Variants in TAFA2 observed in about 807,000 individuals in gnomAD.
TAFA2 encodes the protein TAFA chemokine like family member 2.
Under a neutral mutation model 18.8 loss-of-function variants are expected in TAFA2, and 7 were observed. The ratio of observed to expected loss-of-function variants is 0.37; its 90% CI spans 0.21 to 0.70. TAFA2 has a LOEUF of 0.70. TAFA2 is among the 30% of genes least tolerant of loss of function. TAFA2 has a pLI of 0.53. For synonymous variants in TAFA2, 60 were observed against 54.2 expected (o/e 1.11, Z -0.47); for missense variants, 122 against 158.1 (o/e 0.77, Z 1.23).
chr12:62,108,212 C>G (rs1869551360), intron 1 of TAFA2, among the ~76,000 whole-genome samples: 1 of 152,100 alleles, frequency 6.6e-6, no homozygotes, highest in South Asian at 2.1e-4. Flanking sequence ...TGTTCAACTC[C>G]CACTTATGAG....
intron 2 of TAFA2, among the ~76,000 whole-genome samples, chr12:61,767,320 C>G (rs777594733): frequency 6.6e-6 from 1 of 151,946 alleles, no homozygotes; most frequent in Non-Finnish European, 1.5e-5. Context: ...TTTCCAACTC[C>G]AAAAATGTAT....
intron 1 of TAFA2, among the ~76,000 whole-genome samples, chr12:62,237,430 A>G (rs181301035): frequency 1.1e-3 from 174 of 152,320 alleles, no homozygotes; most frequent in Non-Finnish European, 9.4e-4. Context: ...TAGCAAATTT[A>G]TATATTGTTT....
rs544483386 is a variant in TAFA2, at chr12:61,742,752, A to G, written c.384+10870T>C. 7.7e-4 allele frequency among the ~76,000 whole-genome samples: 117 copies of G among 152,204 alleles called. 2 individuals are homozygous for G. Among genetic ancestry groups the G allele is most frequent in the African/African-American group, 2.8e-3 (115 of 41,564 alleles). On this transcript the variant is annotated intron_variant, in intron 4 of 4. Coordinates refer to ENST00000416284, the MANE Select transcript of TAFA2 (RefSeq NM_178539.5). ...CTCATTAGCAATTACTATTGCAACAATAAGTCAAGCAAGAAATATGTAAGA... is the reference window on the plus strand; with the variant it reads ...CTCATTAGCAATTACTATTGCAACAGTAAGTCAAGCAAGAAATATGTAAGA...
intron 1 of TAFA2, 141 bp from the exon 2 acceptor site, chr12:61,867,567 T>A: frequency 1.7e-6 from 1 of 592,324 alleles, no homozygotes; most frequent in Non-Finnish European, 3.0e-6. Context: ...TAAAATGCTG[T>A]TCACTGTATA....
At chr12:62,075,793 C>G (rs988341297) in intron 1 of TAFA2, among the ~76,000 whole-genome samples, 1 of 152,218 alleles carries the variant, frequency 6.6e-6, no homozygotes, top group African/African-American at 2.4e-5. Context: ...AGAATACTTA[C>G]TGACCACATG....
At chr12:61,796,024 T>C (rs2120947020) in intron 2 of TAFA2, among the ~76,000 whole-genome samples, 1 of 152,244 alleles carries the variant, frequency 6.6e-6, no homozygotes, top group Non-Finnish European at 1.5e-5. Flanking sequence ...AGAAGTCTCA[T>C]ACTCTCCTAG....
intron 2 of TAFA2, among the ~76,000 whole-genome samples, chr12:61,836,756 T>TATATATATATATATATATATATATAAAC (rs68158949): frequency 8.3e-6 from 1 of 119,848 alleles, no homozygotes. Context: ...TATATATATA[T>TATATATATATATATATATATATATAAAC]ACACACACAC....
chr12:62,182,000 G>A lies in TAFA2; in HGVS notation c.-2+9259C>T, dbSNP rs556313743. ...CTTTTCTCAAGTCCATCCCCCCCCC[G>A]CTACACATAGTAGCTACTCAAGTAG... On this transcript the variant is annotated intron_variant, in intron 1 of 4. Coordinates refer to ENST00000416284, the MANE Select transcript of TAFA2 (RefSeq NM_178539.5). 3.0e-4 allele frequency among the ~76,000 whole-genome samples: 29 copies of A among 97,126 alleles called. 1 individual carries two copies. Among genetic ancestry groups the A allele is most frequent in the African/African-American group, 9.4e-4 (23 of 24,480 alleles). The allele number at this position is 97,126 out of a possible 152,430, so 63.7% of individuals were successfully genotyped here. A position where few individuals can be genotyped will look rare whatever the true frequency, so the allele number is the denominator to read the frequency against.
intron 1 of TAFA2, among the ~76,000 whole-genome samples, chr12:62,016,881 A>G (rs1269672553): frequency 6.6e-6 from 1 of 152,200 alleles, no homozygotes; most frequent in Non-Finnish European, 1.5e-5. Context: ...TAGGAAGACT[A>G]ATTATTTCTG....
At chr12:61,887,763 C>T (rs1458113719) in intron 1 of TAFA2, among the ~76,000 whole-genome samples, 4 of 150,636 alleles carry the variant, frequency 2.7e-5, no homozygotes. Flanking sequence ...AGGACATGAA[C>T]TCATCATTTT....
At chr12:61,943,579 C>T (rs1288788956) in intron 1 of TAFA2, among the ~76,000 whole-genome samples, 1 of 149,936 alleles carries the variant, frequency 6.7e-6, no homozygotes, top group Non-Finnish European at 1.5e-5. Flanking sequence ...CAGAGACACA[C>T]ATAGGCTCAA....
chr12:61,880,315 G>A (rs571134780), intron 1 of TAFA2: 55 of 483,368 alleles, frequency 1.1e-4, no homozygotes, highest in South Asian at 5.1e-4. Flanking sequence ...GGGCTTCCCT[G>A]GAGGCCACCA....
intron 1 of TAFA2, among the ~76,000 whole-genome samples, chr12:61,905,082 TATA>T (rs1194924447): frequency 1.3e-5 from 2 of 152,208 alleles, no homozygotes; most frequent in African/African-American, 4.8e-5. Flanking sequence ...ATCTCTACTT[TATA>T]ATAATTAATT....
At position 61,930,012 on chromosome 12, in the gene TAFA2, G is replaced by C. The variant is rs565612479; in HGVS notation, c.-1-62586C>G. 4.4e-4 allele frequency among the ~76,000 whole-genome samples: 65 copies of C among 147,462 alleles called. No individual in the cohort carries two copies. In the East Asian group the frequency reaches 4.6e-3, roughly 10 times the overall value. ...ACACTCTGGGGACTGTTGTGGGGTG[G>C]GGGTAGGGGGGAGGGATAGCATTAG... On this transcript the variant is annotated intron_variant, in intron 1 of 4. Coordinates refer to ENST00000416284, the MANE Select transcript of TAFA2 (RefSeq NM_178539.5).
chr12:62,014,475 T>A (rs1565716372), intron 1 of TAFA2, among the ~76,000 whole-genome samples: 1 of 151,528 alleles, frequency 6.6e-6, no homozygotes, highest in Admixed American at 6.6e-5. Context: ...CAAAAAAAAA[T>A]ACAAAAATTA....
intron 1 of TAFA2, among the ~76,000 whole-genome samples, chr12:62,150,412 G>A (rs551556928): frequency 3.3e-5 from 5 of 152,228 alleles, no homozygotes; most frequent in East Asian, 3.9e-4. Context: ...ATCTAGAGGC[G>A]TAGATAACTA....
chr12:62,114,124 G>A (rs1205072818), intron 1 of TAFA2, among the ~76,000 whole-genome samples: 1 of 152,172 alleles, frequency 6.6e-6, no homozygotes, highest in Non-Finnish European at 1.5e-5. Context: ...GGTAGTGTAG[G>A]TACCCAAGGG....
chr12:61,839,992 T>G (rs1183681317), intron 2 of TAFA2, among the ~76,000 whole-genome samples: 1 of 152,080 alleles, frequency 6.6e-6, no homozygotes, highest in Non-Finnish European at 1.5e-5. Flanking sequence ...GAGCCTCATA[T>G]GCAAAGATCT....
intron 1 of TAFA2, among the ~76,000 whole-genome samples, chr12:62,125,910 A>G (rs1392345520): frequency 1.3e-5 from 2 of 152,082 alleles, no homozygotes; most frequent in Non-Finnish European, 2.9e-5. Context: ...ATACTGAGGC[A>G]TTATTTATAA....
Sources: gnomAD v4.1 joint callset for allele counts (sites outside exome capture counted in the v4.1 genomes callset) on GRCh38, gnomAD v4.1.1 for gene constraint, MANE v1.5 for transcripts, NCBI Gene and HGNC (gene_info 2026-07-23, HGNC 2026-07-21) for gene names.